HDAC9: variants seen among roughly 807,000 people sequenced by gnomAD.
HDAC9 encodes MEF-2 interacting transcription repressor (MITR) protein.
A neutral mutation model predicts 139.4 loss-of-function variants in HDAC9; 41 were observed. The ratio of observed to expected loss-of-function variants is 0.29; its 90% CI spans 0.23 to 0.38. The LOEUF (loss-of-function observed/expected upper bound fraction) is 0.38, where lower values mean the gene tolerates loss of function less well. HDAC9 is among the 10% of genes least tolerant of loss of function. The pLI is 1.00. For missense variants in HDAC9, 1,147 were observed against 1,297.0 expected, an observed-to-expected ratio of 0.88 and a Z score of 1.78; for synonymous variants, 517 against 476.2, an observed-to-expected ratio of 1.09 and a Z score of -1.12.
At chr7:18,473,376 C>T (rs1239167336) in intron 1 of HDAC9, among the ~76,000 whole-genome samples, 1 of 152,146 alleles carries the variant, frequency 6.6e-6, no homozygotes, top group African/African-American at 2.4e-5. Context: ...TTTTATGAAA[C>T]CCAGCCTTTC....
At chr7:18,368,664 C>G (rs1237850398) in intron 1 of HDAC9, among the ~76,000 whole-genome samples, 1 of 152,038 alleles carries the variant, frequency 6.6e-6, no homozygotes, top group Non-Finnish European at 1.5e-5. Flanking sequence ...AGGATTAACC[C>G]TTTCCATTAT....
intron 1 of HDAC9, among the ~76,000 whole-genome samples, chr7:18,143,320 C>T (rs1786048491): frequency 6.6e-6 from 1 of 152,150 alleles, no homozygotes; most frequent in African/African-American, 2.4e-5. Flanking sequence ...CAACTGACTA[C>T]ATTAAGACAT....
At chr7:18,387,333 A>T (rs907497288) in intron 1 of HDAC9, among the ~76,000 whole-genome samples, 1 of 152,190 alleles carries the variant, frequency 6.6e-6, no homozygotes, top group Non-Finnish European at 1.5e-5. Context: ...AAAGGGCTCA[A>T]TTAAATGCTG....
intron 1 of HDAC9, among the ~76,000 whole-genome samples, chr7:18,319,491 A>G (rs1041702485): frequency 6.6e-6 from 1 of 152,246 alleles, no homozygotes; most frequent in African/African-American, 2.4e-5. Flanking sequence ...CTATAAATTT[A>G]AAAATAAGTC....
intron 2 of HDAC9, among the ~76,000 whole-genome samples, chr7:18,196,816 A>T (rs971362379): frequency 6.6e-6 from 1 of 152,118 alleles, no homozygotes; most frequent in African/African-American, 2.4e-5. Flanking sequence ...CAGTAATGAG[A>T]CTGGAGAAAA....
intron 2 of HDAC9, among the ~76,000 whole-genome samples, chr7:18,213,952 T>C (rs1792120188): frequency 6.6e-6 from 1 of 152,252 alleles, no homozygotes; most frequent in East Asian, 1.9e-4. Flanking sequence ...GTTGTTTTTT[T>C]CCTTCCCCAG....
chr7:18,759,950 A>C (rs530379090), intron 14 of HDAC9, among the ~76,000 whole-genome samples: 1 of 152,228 alleles, frequency 6.6e-6, no homozygotes, highest in Non-Finnish European at 1.5e-5. Flanking sequence ...AATTTAATTT[A>C]TAGATGAAAC....
At chr7:18,833,907 A>T (rs977973495) in intron 19 of HDAC9, among the ~76,000 whole-genome samples, 1 of 152,248 alleles carries the variant, frequency 6.6e-6, no homozygotes, top group African/African-American at 2.4e-5. Context: ...AAGACAGGTC[A>T]TATAAGTCTC....
chr7:18,945,842 T>G (rs2528408), intron 23 of HDAC9, among the ~76,000 whole-genome samples: 114,110 of 151,328 alleles, frequency 0.75, 43,127 homozygotes, highest in African/African-American at 0.81. Flanking sequence ...TTTGAGACCA[T>G]CCTAACCAAC....
chr7:18,606,365 A>AT (rs1237570842), intron 6 of HDAC9, among the ~76,000 whole-genome samples: 5 of 152,138 alleles, frequency 3.3e-5, no homozygotes, highest in Non-Finnish European at 7.4e-5. Context: ...CAACTTTTTC[A>AT]TTTTTTGAGG....
intron 25 of HDAC9, among the ~76,000 whole-genome samples, chr7:18,978,174 A>G (rs1312259267): frequency 6.6e-6 from 1 of 152,168 alleles, no homozygotes; most frequent in African/African-American, 2.4e-5. Flanking sequence ...ATGGATGGAA[A>G]AGAGTGAAGG....
At chr7:18,350,581 T>C (rs1782774754) in intron 1 of HDAC9, among the ~76,000 whole-genome samples, 1 of 152,164 alleles carries the variant, frequency 6.6e-6, no homozygotes, top group East Asian at 1.9e-4. Context: ...GCAAATCACT[T>C]TGGAAGTGAG....
intron 2 of HDAC9, among the ~76,000 whole-genome samples, chr7:18,180,479 A>G (rs975399905): frequency 6.6e-6 from 1 of 151,962 alleles, no homozygotes; most frequent in African/African-American, 2.4e-5. Flanking sequence ...ATCATTTTAC[A>G]ATTTCCATCC....
chr7:18,332,360 CATGTGTGTGT>C (rs139686444), intron 1 of HDAC9, among the ~76,000 whole-genome samples: 28,336 of 113,888 alleles, frequency 0.25, 2,712 homozygotes, highest in East Asian at 0.28. Flanking sequence ...TGCATGCGCA[CATGTGTGTGT>C]GTGTGTGTGT....
At chr7:18,477,529 A>G (rs933660276) in intron 1 of HDAC9, among the ~76,000 whole-genome samples, 9 of 152,206 alleles carry the variant, frequency 5.9e-5, no homozygotes, top group Admixed American at 3.3e-4. Context: ...AATTGTTTCC[A>G]TATGGTGAAA....
At chr7:18,867,389 A>T (rs755139740) in intron 21 of HDAC9, among the ~76,000 whole-genome samples, 3 of 152,186 alleles carry the variant, frequency 2.0e-5, no homozygotes, top group Non-Finnish European at 2.9e-5. Flanking sequence ...GCAAAAGTAC[A>T]TTGTCAAGTA....
intron 12 of HDAC9, among the ~76,000 whole-genome samples, chr7:18,697,959 C>T (rs560641365): frequency 4.0e-5 from 6 of 151,896 alleles, no homozygotes; most frequent in Non-Finnish European, 7.4e-5. Context: ...GTTCAGTGAA[C>T]TCTAACTACT....
chr7:18,601,485 A>G (rs1469325421), intron 6 of HDAC9, among the ~76,000 whole-genome samples: 2 of 151,560 alleles, frequency 1.3e-5, no homozygotes, highest in Non-Finnish European at 2.9e-5. Flanking sequence ...GTCTTATTGC[A>G]CTAGCTAGGA....
intron 1 of HDAC9, among the ~76,000 whole-genome samples, chr7:18,480,896 T>G (rs1187713364): frequency 6.6e-6 from 1 of 152,194 alleles, no homozygotes; most frequent in East Asian, 1.9e-4. Context: ...AATTAAAAAC[T>G]AGTATCTGCA....
Sources: allele counts gnomAD v4.1 joint callset (sites outside exome capture counted in the v4.1 genomes callset), GRCh38; gene constraint gnomAD v4.1.1; transcripts MANE v1.5; gene names NCBI Gene and HGNC (gene_info 2026-07-23, HGNC 2026-07-21).